The following SMG9 variants were observed in gnomAD, a reference collection of about 807,000 sequenced individuals.
The protein encoded by SMG9 is SMG9 nonsense mediated mRNA decay factor.
In SMG9, 55 loss-of-function variants were observed where a neutral mutation model predicts 64.0. The ratio of observed to expected loss-of-function variants is 0.86; its 90% confidence interval spans 0.69 to 1.08. The LOEUF (loss-of-function observed/expected upper bound fraction) is 1.08. Ranked by LOEUF, SMG9 falls within the 50% of genes least tolerant of loss-of-function variation. The pLI is 0.00. For synonymous variants in SMG9, 244 were observed against 254.8 expected (o/e 0.96, Z 0.41); for missense variants, 554 against 681.3 (o/e 0.81, Z 2.08).
At chr19:43,732,789 G>A in intron 13 of SMG9, 69 bp downstream of exon 13, 1 of 1,590,086 alleles carries the variant, frequency 6.3e-7, no homozygotes, top group Admixed American at 1.7e-5. Flanking sequence ...GCCGATCTAA[G>A]GGACGCCCCC....
intron 6 of SMG9, among the ~76,000 whole-genome samples, chr19:43,743,115 A>G (rs556074082): frequency 1.3e-5 from 2 of 152,096 alleles, no homozygotes; most frequent in African/African-American, 4.8e-5. Flanking sequence ...CAAAACCTAG[A>G]CCTGATGAAA....
chr19:43,739,071 G>C (rs150005847), intron 7 of SMG9, among the ~76,000 whole-genome samples: 3 of 152,262 alleles, frequency 2.0e-5, no homozygotes, highest in African/African-American at 7.2e-5. Flanking sequence ...GAAGAGCTTC[G>C]GGCAGGCAGG....
chr19:43,737,222 G>A (rs1214706975), intron 9 of SMG9, among the ~76,000 whole-genome samples: 1 of 152,116 alleles, frequency 6.6e-6, no homozygotes, highest in Admixed American at 6.5e-5. Flanking sequence ...GCAGTGAGCC[G>A]AGATTGTACC....
At chr19:43,733,774 C>G (rs753789861) in intron 10 of SMG9, 41 bp from the exon 11 acceptor site, 36 of 1,535,358 alleles carry the variant, frequency 2.3e-5, no homozygotes, top group Non-Finnish European at 3.2e-5. Flanking sequence ...GCAGACATCG[C>G]TTGGCTTCAT....
chr19:43,749,118 T>C (rs1363927161), intron 2 of SMG9, among the ~76,000 whole-genome samples: 1 of 152,154 alleles, frequency 6.6e-6, no homozygotes, highest in African/African-American at 2.4e-5. Flanking sequence ...CTCAAAACAT[T>C]TGGAATTTTG....
intron 9 of SMG9, among the ~76,000 whole-genome samples, chr19:43,736,450 G>A (rs1190090801): frequency 6.6e-6 from 1 of 152,202 alleles, no homozygotes; most frequent in Admixed American, 6.5e-5. Context: ...CCTGAAGCCA[G>A]GAAGAGCCCT....
intron 13 of SMG9, 156 bp downstream of exon 13, chr19:43,732,702 C>T (rs1968521694): frequency 2.4e-6 from 2 of 842,446 alleles, no homozygotes; most frequent in Non-Finnish European, 3.7e-6. Flanking sequence ...GGGTGAGATG[C>T]TTACAAGACA....
chr19:43,731,257 C>T lies in SMG9; in HGVS notation c.*339G>A. ...AGGGCTTAGAGTCAGGGAAGAGGGG[C>T]CTGTTGCTCCTGTCCCTGAAAAAGG... On this transcript the variant is annotated 3_prime_UTR_variant, in exon 14 of 14. Transcript: ENST00000270066. 1.8e-6 allele frequency: 2 copies of T among 1,108,094 alleles called. No homozygotes were observed. Among genetic ancestry groups the T allele is most frequent in the Non-Finnish European group, 2.2e-6 (2 of 905,430 alleles). 68.6% of individuals were successfully genotyped at this position (1,108,094 alleles called of 1,614,324 possible).
intron 1 of SMG9, among the ~76,000 whole-genome samples, chr19:43,754,025 T>C (rs1483927465): frequency 6.6e-6 from 1 of 152,130 alleles, no homozygotes; most frequent in Non-Finnish European, 1.5e-5. Flanking sequence ...TCTATTTAAG[T>C]GTCTGCTGAT....
At chr19:43,733,893 A>G (rs1346145149) in intron 10 of SMG9, 160 bp from the exon 11 acceptor site, 1 of 611,970 alleles carries the variant, frequency 1.6e-6, no homozygotes, top group Non-Finnish European at 2.9e-6. Context: ...TGTGTAGGGC[A>G]ATGCTGGGGA....
At chr19:43,749,826 A>C (rs571665535) in intron 2 of SMG9, among the ~76,000 whole-genome samples, 1 of 152,342 alleles carries the variant, frequency 6.6e-6, no homozygotes, top group Admixed American at 6.5e-5. Context: ...GAGCGATGCT[A>C]TATGTGAGAC....
At chr19:43,744,708 C>T in intron 6 of SMG9, 64 bp downstream of exon 6, 1 of 1,248,330 alleles carries the variant, frequency 8.0e-7, no homozygotes, top group Non-Finnish European at 1.1e-6. Context: ...CACCCAAGCC[C>T]ACCTTGCCCC....
chr19:43,746,951 G>A (rs1969031407), intron 5 of SMG9, among the ~76,000 whole-genome samples: 1 of 151,870 alleles, frequency 6.6e-6, no homozygotes, highest in Non-Finnish European at 1.5e-5. Context: ...CCTCCTGAGT[G>A]GCCTGGATGC....
chr19:43,731,505 T>C lies in SMG9; in HGVS notation c.*91A>G. The C allele has an allele frequency of 6.3e-7, 1 of 1,580,492 alleles. No individual in the cohort carries two copies. Among genetic ancestry groups the C allele is most frequent in the Admixed American group, 1.8e-5 (1 of 56,564 alleles). On this transcript the variant is annotated 3_prime_UTR_variant, in exon 14 of 14. Coordinates refer to ENST00000270066, the MANE Select transcript of SMG9 (RefSeq NM_019108.4). ...CCTCATCCATCAGGCCTGCTGCCGC[T>C]CTCCACCCCAGCGGGGGATGGACAT...
rs889721095 is a variant in SMG9 at position 43,735,614 on chromosome 19, C to CAAAAAAAAAAA, written c.996-1130_996-1120dup. On this transcript the variant is annotated intron_variant, in intron 9 of 13. Transcript: ENST00000270066. ...TGGGTAACAGAGTGAGACTCTGTCT[C>CAAAAAAAAAAA]AAAAAAAAAAAAAAAAAAAAAAAAA... Among the ~76,000 whole-genome samples the CAAAAAAAAAAA allele has an allele frequency of 1.8e-3, 92 of 51,534 alleles. 4 individuals are homozygous for CAAAAAAAAAAA. Among genetic ancestry groups the CAAAAAAAAAAA allele is most frequent in the African/African-American group, 6.6e-3 (88 of 13,260 alleles). The allele number at this position is 51,534 out of a possible 152,430, so 33.8% of individuals were successfully genotyped here. A position where few individuals can be genotyped will look rare whatever the true frequency, so the allele number is the denominator to read the frequency against.
At chr19:43,752,953 T>C (rs758772997) in intron 1 of SMG9, among the ~76,000 whole-genome samples, 253 of 149,212 alleles carry the variant, frequency 1.7e-3, no homozygotes, top group Admixed American at 6.5e-3. Flanking sequence ...TTGCTGACCC[T>C]TGCTTAGCTT....
intron 2 of SMG9, among the ~76,000 whole-genome samples, chr19:43,748,514 C>T (rs112095030): frequency 7.9e-5 from 12 of 152,344 alleles, no homozygotes; most frequent in African/African-American, 2.9e-4. Flanking sequence ...GGAGAGAGAA[C>T]TCATCAAGTG....
At position 43,732,727 on chromosome 19, in the gene SMG9, T is replaced by C. The variant is rs1968522366; in HGVS notation, c.1484+131A>G. 2.8e-6 allele frequency: 3 copies of C among 1,087,588 alleles called. 1 individual carries two copies. 67.4% of individuals were successfully genotyped at this position (1,087,588 alleles called of 1,614,324 possible). ...CTTACAAGACAGTAGCAATCATCAC[T>C]GTTCCAGAAAAGGAACCTGGGATCT... On this transcript the variant is annotated intron_variant, in intron 13 of 13. Transcript: ENST00000270066.
chr19:43,740,044 A>G (rs752874843), intron 7 of SMG9, 63 bp downstream of exon 7: 1 of 1,167,660 alleles, frequency 8.6e-7, no homozygotes, highest in South Asian at 1.2e-5. Context: ...GCTTAATCAC[A>G]TTCCAGGAAG....
Sources: gnomAD v4.1 joint callset for allele counts (sites outside exome capture counted in the v4.1 genomes callset) on GRCh38, gnomAD v4.1.1 for gene constraint, MANE v1.5 for transcripts, NCBI Gene and HGNC (gene_info 2026-07-23, HGNC 2026-07-21) for gene names.